The following CCSER1 variants were observed in gnomAD, a reference collection of about 807,000 sequenced individuals.
CCSER1 encodes the protein serine-rich coiled-coil domain-containing protein 1.
A neutral mutation model predicts 82.0 loss-of-function variants in CCSER1; 41 were observed. The observed-to-expected ratio is 0.50, with a 90% CI of 0.39 to 0.65. The LOEUF is 0.65. Ranked by LOEUF, CCSER1 falls within the 30% of genes least tolerant of loss-of-function variation. The pLI, the probability that CCSER1 is intolerant of heterozygous loss-of-function variation, is 0.00. For missense variants in CCSER1, 1,119 were observed against 1,064.2 expected, an observed-to-expected ratio of 1.05 and a Z score of -0.72; for synonymous variants, 414 against 383.9, an observed-to-expected ratio of 1.08 and a Z score of -0.92.
intron 1 of CCSER1, among the ~76,000 whole-genome samples, chr4:90,259,117 G>A (rs1723870515): frequency 6.6e-6 from 1 of 152,102 alleles, no homozygotes; most frequent in South Asian, 2.1e-4. Flanking sequence ...CTATGAGCAT[G>A]GGATGTGTTT....
At chr4:90,221,078 G>A (rs984732283) in intron 1 of CCSER1, among the ~76,000 whole-genome samples, 6 of 151,980 alleles carry the variant, frequency 3.9e-5, no homozygotes, top group Non-Finnish European at 8.8e-5. Flanking sequence ...AATAAGCAAG[G>A]AATCATTATT....
chr4:90,958,816 C>A (rs184917015), intron 9 of CCSER1, among the ~76,000 whole-genome samples: 11 of 152,244 alleles, frequency 7.2e-5, no homozygotes, highest in African/African-American at 2.4e-4. Flanking sequence ...GAAATAAATA[C>A]TTGTTGTTTA....
At chr4:90,674,368 G>A (rs539071137) in intron 6 of CCSER1, among the ~76,000 whole-genome samples, 34 of 151,836 alleles carry the variant, frequency 2.2e-4, no homozygotes, top group Non-Finnish European at 4.4e-4. Flanking sequence ...CATCTTATTG[G>A]AGACAGAGAT....
intron 9 of CCSER1, among the ~76,000 whole-genome samples, chr4:90,970,753 G>T (rs201079311): frequency 1.3e-5 from 2 of 151,792 alleles, no homozygotes; most frequent in East Asian, 3.9e-4. Flanking sequence ...GACCACAATG[G>T]TATTAAACTA....
intron 7 of CCSER1, among the ~76,000 whole-genome samples, chr4:90,732,060 T>A (rs1744854551): frequency 6.6e-6 from 1 of 150,634 alleles, no homozygotes; most frequent in Non-Finnish European, 1.5e-5. Flanking sequence ...TCTCTCTCTC[T>A]CACTGCTCTA....
At chr4:90,911,203 A>T in intron 8 of CCSER1, 1 of 431,170 alleles carries the variant, frequency 2.3e-6, no homozygotes, top group South Asian at 1.7e-5. Flanking sequence ...CAAGTTAGCA[A>T]TTTTCTACAA....
At chr4:91,177,152 C>T (rs1333290061) in intron 10 of CCSER1, among the ~76,000 whole-genome samples, 3 of 152,202 alleles carry the variant, frequency 2.0e-5, no homozygotes, top group Non-Finnish European at 4.4e-5. Context: ...ACCAGCCTTG[C>T]ATCCCAGGGA....
At chr4:90,648,379 T>A (rs1254148068) in intron 6 of CCSER1, among the ~76,000 whole-genome samples, 1 of 151,726 alleles carries the variant, frequency 6.6e-6, no homozygotes, top group Non-Finnish European at 1.5e-5. Context: ...AAGTTCCTGG[T>A]ATTCAAAAAA....
rs1038805033 is a variant in CCSER1 at position 91,101,660 on chromosome 4, C to T, written c.2217+15666C>T. On this transcript the variant is annotated intron_variant, in intron 10 of 10. Coordinates refer to ENST00000509176, the MANE Select transcript of CCSER1 (RefSeq NM_001145065.2). ...AAAAAAAAAAAGACCAGGTTGGGGG[C>T]CTGACAAACCCTCTACCTCCAAGCA... Among the ~76,000 whole-genome samples, 6 of 149,396 alleles carry T rather than the reference C, an allele frequency of 4.0e-5. No individual in the cohort carries two copies. In the East Asian group the frequency reaches 1.2e-3, roughly 29 times the overall value.
At chr4:91,532,322 C>A (rs930467015) in intron 10 of CCSER1, among the ~76,000 whole-genome samples, 5 of 152,138 alleles carry the variant, frequency 3.3e-5, no homozygotes, top group Middle Eastern at 6.8e-3. Context: ...TAAATGATAC[C>A]ATGTAAATGG....
intron 10 of CCSER1, among the ~76,000 whole-genome samples, chr4:91,535,095 ATAAAC>A (rs1234342623): frequency 5.3e-5 from 8 of 151,996 alleles, no homozygotes; most frequent in South Asian, 4.1e-4. Flanking sequence ...TCATAAAAAT[ATAAAC>A]TAGAGGATTT....
At chr4:90,692,866 T>C (rs972772633) in intron 6 of CCSER1, among the ~76,000 whole-genome samples, 1 of 152,004 alleles carries the variant, frequency 6.6e-6, no homozygotes, top group African/African-American at 2.4e-5. Flanking sequence ...CATTTATCAT[T>C]CAGATATAAT....
At chr4:90,505,992 C>G (rs1332903299) in intron 5 of CCSER1, among the ~76,000 whole-genome samples, 1 of 152,144 alleles carries the variant, frequency 6.6e-6, no homozygotes, top group African/African-American at 2.4e-5. Flanking sequence ...CTCTGTAATA[C>G]ACTTACAACT....
At chr4:91,061,270 C>CA (rs1743927171) in intron 9 of CCSER1, among the ~76,000 whole-genome samples, 2 of 150,520 alleles carry the variant, frequency 1.3e-5, no homozygotes, top group Non-Finnish European at 3.0e-5. Context: ...CAGATACTTT[C>CA]AAATGCAAAT....
chr4:90,460,185 C>T (rs1481036664), intron 4 of CCSER1, among the ~76,000 whole-genome samples: 17 of 147,980 alleles, frequency 1.1e-4, no homozygotes, highest in African/African-American at 3.9e-4. Flanking sequence ...ATTAGCCGGG[C>T]ATGGTGGCGC....
In CCSER1 at chr4:91,042,845, G is replaced by A. The variant is rs141431091; in HGVS notation, c.2173-43105G>A. ...CAAATGATCTTGAAAAATCTATGGC[G>A]GCTAGCAAAGTATTCTTGAAAACAA... On this transcript the variant is annotated intron_variant, in intron 9 of 10. Transcript: ENST00000509176. Among the ~76,000 whole-genome samples, 492 of 152,248 alleles carry A rather than the reference G, an allele frequency of 3.2e-3. 3 individuals are homozygous for A. Among genetic ancestry groups the A allele is most frequent in the African/African-American group, 0.011 (451 of 41,540 alleles).
intron 7 of CCSER1, among the ~76,000 whole-genome samples, chr4:90,770,312 A>C (rs1164727000): frequency 1.3e-5 from 2 of 152,196 alleles, no homozygotes; most frequent in African/African-American, 4.8e-5. Context: ...TTAATGTTCT[A>C]TGCAGCCATA....
At chr4:90,433,038 G>A (rs1224853958) in intron 4 of CCSER1, among the ~76,000 whole-genome samples, 1 of 151,938 alleles carries the variant, frequency 6.6e-6, no homozygotes, top group Non-Finnish European at 1.5e-5. Flanking sequence ...TTTAAGTGGT[G>A]GTAAATCACA....
chr4:91,485,109 T>C (rs2110056069), intron 10 of CCSER1, among the ~76,000 whole-genome samples: 1 of 152,138 alleles, frequency 6.6e-6, no homozygotes, highest in Non-Finnish European at 1.5e-5. Context: ...CATTTCCTAC[T>C]ACATGGATAA....
Sources: gnomAD v4.1 joint callset for allele counts (sites outside exome capture counted in the v4.1 genomes callset) on GRCh38, gnomAD v4.1.1 for gene constraint, MANE v1.5 for transcripts, NCBI Gene and HGNC (gene_info 2026-07-23, HGNC 2026-07-21) for gene names.